GOLIM4: variants seen among roughly 807,000 people sequenced by gnomAD.
GOLIM4 encodes the protein 130 kDa golgi-localized phosphoprotein.
A neutral mutation model predicts 107.4 loss-of-function variants in GOLIM4; 71 were observed. That is an observed-to-expected ratio of 0.66 (90% CI 0.55 to 0.81). The LOEUF is 0.81. Among genes scored for constraint, GOLIM4 ranks in the 30% least tolerant of loss-of-function variants. GOLIM4 has a pLI of 0.00. For synonymous variants in GOLIM4, 327 were observed against 294.8 expected (o/e 1.11, Z -1.12); for missense variants, 830 against 826.1 (o/e 1.00, Z -0.06).
chr3:168,082,918 T>C (rs1459961894), intron 1 of GOLIM4, among the ~76,000 whole-genome samples: 1 of 152,168 alleles, frequency 6.6e-6, no homozygotes, highest in African/African-American at 2.4e-5. Flanking sequence ...CAAACACATT[T>C]TGACAAAATA....
chr3:168,009,236 C>CAAATG lies in GOLIM4; in HGVS notation c.*1032_*1033insCATTT, dbSNP rs1363013017. 1 of 151,576 alleles carries CAAATG rather than the reference C, an allele frequency of 6.6e-6. No homozygotes were observed. Among genetic ancestry groups the CAAATG allele is most frequent in the African/African-American group, 2.4e-5 (1 of 41,332 alleles). The allele number at this position is 151,576 out of a possible 1,614,324, so 9.4% of individuals were successfully genotyped here. A position where few individuals can be genotyped will look rare whatever the true frequency, so the allele number is the denominator to read the frequency against. On this transcript the variant is annotated 3_prime_UTR_variant, in exon 16 of 16. Transcript: ENST00000470487. Reference sequence around the variant, plus strand: ...ACCCAATCCCAGCAAACAGAAAAACCATAAGTCTATCATATCACCATATGT... The same window carrying CAAATG: ...ACCCAATCCCAGCAAACAGAAAAACCAAATGATAAGTCTATCATATCACCATATGT...
intron 8 of GOLIM4, among the ~76,000 whole-genome samples, chr3:168,034,545 T>A (rs1322175925): frequency 6.6e-6 from 1 of 152,232 alleles, no homozygotes; most frequent in Admixed American, 6.5e-5. Flanking sequence ...TCTACTCATA[T>A]CAACTTAATT....
chr3:168,011,358 C>T (rs531600761), intron 14 of GOLIM4, among the ~76,000 whole-genome samples: 18 of 152,332 alleles, frequency 1.2e-4, no homozygotes, highest in Non-Finnish European at 2.1e-4. Flanking sequence ...CGGCGCACCA[C>T]GAGATTATAT....
In GOLIM4 at chr3:168,029,883, G is replaced by C. The variant is rs904386830; in HGVS notation, c.1330C>G (p.Leu444Val). Residue 444 changes from leucine (L) to valine (V), a missense_variant, in exon 10 of 16, where the codon CTA (leucine) becomes GTA (valine). Physicochemically the swap from Leu to Val is conservative, Grantham distance 32. Coordinates refer to ENST00000470487, the MANE Select transcript of GOLIM4 (RefSeq NM_014498.5). ...LHQQRLQGHLLRQQEQQQQQV... is the reference protein window; with the variant it reads ...LHQQRLQGHLVRQQEQQQQQV... ...TGCTGCTGCTGTTCCTGCTGCCGTA[G>C]TAAGTGCCCCTGCAGCCTCTGCTGG... 1.9e-6 allele frequency: 3 copies of C among 1,614,098 alleles called. No individual in the cohort carries two copies. The highest frequency in any genetic ancestry group is 1.3e-5 in the African/African-American group (1 of 75,030).
chr3:168,020,959 C>T (rs1194256752), intron 14 of GOLIM4, among the ~76,000 whole-genome samples: 1 of 152,154 alleles, frequency 6.6e-6, no homozygotes, highest in African/African-American at 2.4e-5. Context: ...GATTATGTCT[C>T]CCACAACTGG....
intron 1 of GOLIM4, among the ~76,000 whole-genome samples, chr3:168,071,223 G>A (rs772440243): frequency 4.1e-4 from 62 of 152,196 alleles, no homozygotes; most frequent in Admixed American, 4.6e-4. Context: ...TGAATTTTGA[G>A]TCAACAGATT....
rs186172581 is a variant in GOLIM4, at chr3:168,080,504, C to T, written c.187+14595G>A. Among the ~76,000 whole-genome samples, 6 of 152,300 alleles carry T rather than the reference C, an allele frequency of 3.9e-5. No homozygotes were observed. In the East Asian group the frequency reaches 5.8e-4, roughly 15 times the overall value. On this transcript the variant is annotated intron_variant, in intron 1 of 15. Transcript: ENST00000470487. ...ACATTTCTACACAGGACCCTAGTGGCCACCGTATTAGACAGCGCAGTCGCC... is the reference window on the plus strand; with the variant it reads ...ACATTTCTACACAGGACCCTAGTGGTCACCGTATTAGACAGCGCAGTCGCC...
chr3:168,024,822 G>C, intron 13 of GOLIM4, 106 bp downstream of exon 13: 1 of 1,187,022 alleles, frequency 8.4e-7, no homozygotes, highest in South Asian at 1.4e-5. Context: ...AACCACCGAA[G>C]TGGCAAACCT....
chr3:168,024,527 T>C lies in GOLIM4; in HGVS notation c.1859A>G (p.Glu620Gly). The C allele has an allele frequency of 6.2e-7, 1 of 1,603,128 alleles. No individual in the cohort carries two copies. Residue 620 changes from glutamate to glycine, a missense_variant and splice_region_variant, in exon 14 of 16, where the codon GAG becomes GGG. By Grantham distance (98) the Glu-to-Gly change is moderately conservative (BLOSUM62 -2). Coordinates refer to ENST00000470487, the MANE Select transcript of GOLIM4 (RefSeq NM_014498.5). ...TCTCTGGGATTCAATCCTTACTACCTCCTCTTCTGCCTCTTCCTGGTACTG... is the reference window on the plus strand; with the variant it reads ...TCTCTGGGATTCAATCCTTACTACCCCCTCTTCTGCCTCTTCCTGGTACTG... ...DEQYQEEAEE[E>G]VQEDLTEEKK...
At chr3:168,072,882 T>A (rs919867574) in intron 1 of GOLIM4, among the ~76,000 whole-genome samples, 1 of 152,216 alleles carries the variant, frequency 6.6e-6, no homozygotes, top group Non-Finnish European at 1.5e-5. Context: ...ATGAGCAAAC[T>A]GCTCTATATA....
intron 1 of GOLIM4, among the ~76,000 whole-genome samples, chr3:168,073,299 A>G (rs1331970675): frequency 1.3e-5 from 2 of 152,222 alleles, no homozygotes; most frequent in African/African-American, 4.8e-5. Context: ...AGTATCTAGC[A>G]TAGTGCCTTT....
intron 1 of GOLIM4, among the ~76,000 whole-genome samples, chr3:168,061,850 G>A (rs1720290715): frequency 6.6e-6 from 1 of 152,134 alleles, no homozygotes; most frequent in Non-Finnish European, 1.5e-5. Flanking sequence ...ATTTTTGAGT[G>A]CCAGTGATGT....
chr3:168,093,178 G>A (rs1721994333), intron 1 of GOLIM4, among the ~76,000 whole-genome samples: 1 of 152,094 alleles, frequency 6.6e-6, no homozygotes. Context: ...TCAGAAATTA[G>A]GGCCTCAGTC....
Position 168,041,478 on chromosome 3 carries a change from T to A in GOLIM4, c.518-4A>T. ...TCTCTCAAATTGTATACAGTCTCTA[T>A]TTTAGAAAAAGAAGGATCACACATA... On this transcript the variant is annotated splice_polypyrimidine_tract_variant and splice_region_variant and intron_variant, in intron 5 of 15. Transcript: ENST00000470487. 1 of 1,447,264 alleles carries A rather than the reference T, an allele frequency of 6.9e-7. No homozygotes were observed. The highest frequency in any genetic ancestry group is 1.4e-5 in the African/African-American group (1 of 71,822). The allele number at this position is 1,447,264 out of a possible 1,614,324, so 89.7% of individuals were successfully genotyped here. A position where few individuals can be genotyped will look rare whatever the true frequency, so the allele number is the denominator to read the frequency against.
In GOLIM4 at chr3:168,009,011, ATGT is replaced by A. The variant is rs552263028; in HGVS notation, c.*1255_*1257del. ...CGTTCATACAATGGTAGAAAATGAA[ATGT>A]TTTTATTAATTTGATTATTAATACA... On this transcript the variant is annotated 3_prime_UTR_variant, in exon 16 of 16. Transcript: ENST00000470487. The A allele has an allele frequency of 7.0e-4, 107 of 152,266 alleles. No homozygotes were observed. The highest frequency in any genetic ancestry group is 2.5e-3 in the African/African-American group (105 of 41,578). 9.4% of individuals were successfully genotyped at this position (152,266 alleles called of 1,614,324 possible).
intron 1 of GOLIM4, among the ~76,000 whole-genome samples, chr3:168,084,237 T>C (rs1033936565): frequency 2.0e-5 from 3 of 152,184 alleles, no homozygotes; most frequent in African/African-American, 4.8e-5. Flanking sequence ...TCTGCCATCA[T>C]TGTAAGTTTC....
intron 1 of GOLIM4, among the ~76,000 whole-genome samples, chr3:168,051,982 G>T (rs1285334376): frequency 6.6e-6 from 1 of 152,140 alleles, no homozygotes; most frequent in Non-Finnish European, 1.5e-5. Context: ...GAAAAATCTA[G>T]AAAGAAGAGG....
chr3:168,094,412 T>C (rs1052634426), intron 1 of GOLIM4, among the ~76,000 whole-genome samples: 3 of 152,192 alleles, frequency 2.0e-5, no homozygotes, highest in Admixed American at 2.0e-4. Context: ...AAAAGCTACT[T>C]AGGAAGACAA....
chr3:168,011,037 G>A (rs999622140), intron 14 of GOLIM4, among the ~76,000 whole-genome samples: 2 of 152,216 alleles, frequency 1.3e-5, no homozygotes, highest in African/African-American at 4.8e-5. Context: ...GTATAAGGGA[G>A]GAGCCAAGAT....
Sources: gnomAD v4.1 joint callset for allele counts (sites outside exome capture counted in the v4.1 genomes callset) on GRCh38, gnomAD v4.1.1 for gene constraint, MANE v1.5 for transcripts, NCBI Gene and HGNC (gene_info 2026-07-23, HGNC 2026-07-21) for gene names.